GOLGA8H: variants seen among roughly 807,000 people sequenced by gnomAD.
The protein encoded by GOLGA8H is golgin A8 family member H, also known as golgin subfamily A member 8H.
GOLGA8H carries 47 observed loss-of-function variants against 82.7 expected under a neutral mutation model. The ratio of observed to expected loss-of-function variants is 0.57; its 90% CI spans 0.45 to 0.73. GOLGA8H has a LOEUF of 0.73. Among genes scored for constraint, GOLGA8H ranks in the 30% least tolerant of loss-of-function variants. The pLI is 0.00. For synonymous variants in GOLGA8H, 108 were observed against 241.6 expected (o/e 0.45, Z 5.13); for missense variants, 372 against 661.0 (o/e 0.56, Z 4.79).
chr15:30,613,050 C>A, intron 14 of GOLGA8H, 54 bp from the exon 15 acceptor site: 2 of 1,113,992 alleles, frequency 1.8e-6, no homozygotes, highest in South Asian at 1.3e-5. Context: ...GAGGTGGGCC[C>A]ACAGTTCCTC....
rs376299917 is a variant in GOLGA8H, at chr15:30,606,560, C to T, written c.169-295C>T. Reference sequence around the variant, plus strand: ...ATGTTAATCCCTAGTACATGGCCTGCTGTAAACACTCAGGACACCCAGGAT... The same window carrying T: ...ATGTTAATCCCTAGTACATGGCCTGTTGTAAACACTCAGGACACCCAGGAT... On this transcript the variant is annotated intron_variant, in intron 2 of 18. Transcript: ENST00000566740. Among the ~76,000 whole-genome samples the T allele has an allele frequency of 2.0e-4, 30 of 151,876 alleles. No individual in the cohort carries two copies. The East Asian group carries it at 2.1e-3, about 11-fold the overall frequency.
chr15:30,604,293 G>C, intron 1 of GOLGA8H, 120 bp downstream of exon 1: 3 of 1,512,060 alleles, frequency 2.0e-6, no homozygotes, highest in Non-Finnish European at 2.6e-6. Flanking sequence ...CTACCCCGGT[G>C]CCTCTGGGCT....
rs1207043662 is a variant in GOLGA8H, at chr15:30,616,205, T to A, written c.*1644T>A. 6.6e-6 allele frequency among the ~76,000 whole-genome samples: 1 copy of A among 151,226 alleles called. No homozygotes were observed. Among genetic ancestry groups the A allele is most frequent in the East Asian group, 2.0e-4 (1 of 5,120 alleles). On this transcript the variant is annotated 3_prime_UTR_variant, in exon 19 of 19. Transcript: ENST00000566740. Reference sequence around the variant, plus strand: ...GAAAGACTCAACAGTTCAAACTTCATGAAGTTCTAATGTCTGTGTTCCAAA... The same window carrying A: ...GAAAGACTCAACAGTTCAAACTTCAAGAAGTTCTAATGTCTGTGTTCCAAA...
rs4605123 is a variant in GOLGA8H at position 30,615,354 on chromosome 15, C to T, written c.*793C>T. ...ACTGCATCATGAGCTGCAGCAGTTG[C>T]ACTCTTTTTCGATGACCTAAAAAGG... On this transcript the variant is annotated 3_prime_UTR_variant, in exon 19 of 19. Transcript: ENST00000566740. 2.0e-5 allele frequency among the ~76,000 whole-genome samples: 3 copies of T among 151,936 alleles called. No individual in the cohort carries two copies. Among genetic ancestry groups the T allele is most frequent in the East Asian group, 1.9e-4 (1 of 5,142 alleles).
In GOLGA8H at chr15:30,609,845, G is replaced by C. The variant is rs1403873050; in HGVS notation, c.631G>C (p.Glu211Gln). The stretch of plus-strand genomic sequence containing the variant: ...CAAAGCACGTACGGAGTGGAAGTTA[G>C]AGCAGTCCATGCGGGAGGAGGCACT... ...RSKARTEWKL[E>Q]QSMREEALLK... Residue 211 changes from glutamate (E) to glutamine (Q), a missense_variant, in exon 9 of 19, where the codon GAG (glutamate) becomes CAG (glutamine). Transcript: ENST00000566740. The C allele has an allele frequency of 1.2e-6, 2 of 1,601,416 alleles. No homozygotes were observed. Among genetic ancestry groups the C allele is most frequent in the Middle Eastern group, 2.3e-4 (1 of 4,428 alleles).
intron 1 of GOLGA8H, 126 bp from the exon 2 acceptor site, chr15:30,605,717 C>T: frequency 6.0e-6 from 9 of 1,502,940 alleles, no homozygotes; most frequent in Non-Finnish European, 8.0e-6. Flanking sequence ...TGTGACAACA[C>T]CTTGTACGGT....
rs1013547107 is a variant in GOLGA8H at position 30,605,978 on chromosome 15, C to G, written c.168+16C>G. 6.3e-7 allele frequency: 1 copy of G among 1,591,758 alleles called. No individual in the cohort carries two copies. Among genetic ancestry groups the G allele is most frequent in the African/African-American group, 1.3e-5 (1 of 74,246 alleles). On this transcript the variant is annotated intron_variant, in intron 2 of 18. Transcript: ENST00000566740. Reference sequence around the variant, plus strand: ...ACCTGGGGATGTGAGTCTTGGCTGACCAGGCTTCTGGGGACAGGGGGCCCA... The same window carrying G: ...ACCTGGGGATGTGAGTCTTGGCTGAGCAGGCTTCTGGGGACAGGGGGCCCA...
At chr15:30,606,339 C>G (rs2059923501) in intron 2 of GOLGA8H, among the ~76,000 whole-genome samples, 2 of 149,938 alleles carry the variant, frequency 1.3e-5, no homozygotes, top group Admixed American at 1.3e-4. Context: ...GGTGACAGAG[C>G]AAGACTCTGT....
At position 30,614,046 on chromosome 15, in the gene GOLGA8H, T is replaced by G; in HGVS notation, c.1563T>G (p.Asp521Glu). The change falls in exon 17 of 19, where the codon GAT (aspartate) becomes GAG (glutamate). Residue 521 changes from aspartate (D) to glutamate (E), a missense_variant. Asp to Glu is a conservative substitution (Grantham distance 45). Coordinates refer to ENST00000566740, the MANE Select transcript of GOLGA8H (RefSeq NM_001282490.2). ...GHHQAGAQGG[D>E]EGEAAGAAAD... is the part of the protein sequence containing the mutation. Reference sequence around the variant, plus strand: ...ATCAGGCTGGAGCTCAGGGAGGAGATGAAGGTAGGGTGTGCAACATCTCTG... The same window carrying G: ...ATCAGGCTGGAGCTCAGGGAGGAGAGGAAGGTAGGGTGTGCAACATCTCTG... 1 of 994,668 alleles carries G rather than the reference T, an allele frequency of 1.0e-6. No individual in the cohort carries two copies. Among genetic ancestry groups the G allele is most frequent in the African/African-American group, 2.2e-5 (1 of 44,824 alleles). 61.6% of individuals were successfully genotyped at this position (994,668 alleles called of 1,614,324 possible).
Position 30,609,835 on chromosome 15 carries a change from G to A in GOLGA8H, c.621G>A (p.Glu207=), listed in dbSNP as rs1159946615. ...CCAGCCGCAGCAAAGCACGTACGGA[G>A]TGGAAGTTAGAGCAGTCCATGCGGG... ...QLSSRSKART[E]WKLEQSMREE... Residue 207 remains glutamate, a synonymous_variant, in exon 9 of 19, where the codon GAG becomes GAA. Transcript: ENST00000566740. 1.6e-5 allele frequency: 25 copies of A among 1,597,532 alleles called. No individual in the cohort carries two copies. Among genetic ancestry groups the A allele is most frequent in the Non-Finnish European group, 2.0e-5 (23 of 1,170,118 alleles).
intron 9 of GOLGA8H, 30 bp from the exon 10 acceptor site, chr15:30,609,969 C>T (rs773994176): frequency 3.1e-6 from 5 of 1,606,012 alleles, no homozygotes; most frequent in Non-Finnish European, 3.4e-6. Context: ...CAGTGACAGC[C>T]CTTCCTAAGT....
chr15:30,608,746 AG>A lies in GOLGA8H; in HGVS notation c.583del (p.Ala195GlnfsTer16). ...LSNVMATQKK[K>X]ANQLSSRSKA... ...AATGTCATGGCCACACAGAAGAAGA[AG>A]GCAAACCAGGTGAGTCCAACCACCT... On this transcript the variant is annotated frameshift_variant, in exon 8 of 19. Coordinates refer to ENST00000566740, the MANE Select transcript of GOLGA8H (RefSeq NM_001282490.2). LOFTEE classifies it high-confidence loss of function. 1 of 1,491,952 alleles carries A rather than the reference AG, an allele frequency of 6.7e-7. No individual in the cohort carries two copies. Among genetic ancestry groups the A allele is most frequent in the Non-Finnish European group, 9.0e-7 (1 of 1,106,018 alleles). The allele number at this position is 1,491,952 out of a possible 1,614,324, so 92.4% of individuals were successfully genotyped here. A position where few individuals can be genotyped will look rare whatever the true frequency, so the allele number is the denominator to read the frequency against.
intron 10 of GOLGA8H, 57 bp from the exon 11 acceptor site, chr15:30,610,245 G>C: frequency 1.1e-6 from 1 of 891,938 alleles, no homozygotes; most frequent in Non-Finnish European, 1.8e-6. Flanking sequence ...GGAGAGGGCA[G>C]CCTGTCCAGC....
rs553723588 is a variant in GOLGA8H at position 30,609,008 on chromosome 15, G to T, written c.591+252G>T. 7.1e-3 allele frequency among the ~76,000 whole-genome samples: 954 copies of T among 133,428 alleles called. 25 individuals carry two copies. The highest frequency in any genetic ancestry group is 0.015 in the African/African-American group (506 of 33,024). The allele number at this position is 133,428 out of a possible 152,430, so 87.5% of individuals were successfully genotyped here. A position where few individuals can be genotyped will look rare whatever the true frequency, so the allele number is the denominator to read the frequency against. On this transcript the variant is annotated intron_variant, in intron 8 of 18. Transcript: ENST00000566740. ...CAAATGCCTGCCCCGCCCTTACCTGGCTGTGGTCTTGAGCAAGTCCTAGGT... is the reference window on the plus strand; with the variant it reads ...CAAATGCCTGCCCCGCCCTTACCTGTCTGTGGTCTTGAGCAAGTCCTAGGT...
intron 15 of GOLGA8H, 74 bp downstream of exon 15, chr15:30,613,269 G>C (rs1228452816): frequency 3.8e-6 from 2 of 526,388 alleles, no homozygotes; most frequent in Non-Finnish European, 6.7e-6. Context: ...TATGCTCTTC[G>C]TTTCCCTGCC....
intron 1 of GOLGA8H, among the ~76,000 whole-genome samples, 189 bp from the exon 2 acceptor site, chr15:30,605,654 T>G (rs866614237): frequency 6.6e-6 from 1 of 151,030 alleles, no homozygotes; most frequent in Non-Finnish European, 1.5e-5. Context: ...AGTATTGCCT[T>G]TTTCTTTTTT....
chr15:30,608,032 A>G lies in GOLGA8H; in HGVS notation c.312A>G (p.Lys104=). The G allele has an allele frequency of 1.9e-6, 3 of 1,581,422 alleles. No individual in the cohort carries two copies. Among genetic ancestry groups the G allele is most frequent in the Non-Finnish European group, 2.6e-6 (3 of 1,167,636 alleles). ...ACCTTATTTGACTCTCCCCACAGAA[A>G]CAACAGAAGAAACAAGTGGAACATC... ...SQLKNTIKSL[K]QQKKQVEHQL... The change falls in exon 5 of 19, where the codon AAA becomes AAG. Residue 104 remains lysine (K), a splice_region_variant and synonymous_variant. Transcript: ENST00000566740.
At position 30,606,119 on chromosome 15, in the gene GOLGA8H, C is replaced by G. The variant is rs538353650; in HGVS notation, c.168+157C>G. On this transcript the variant is annotated intron_variant, in intron 2 of 18. Coordinates refer to ENST00000566740, the MANE Select transcript of GOLGA8H (RefSeq NM_001282490.2). ...CCTGTAATCCTAGCACTTTGGGAGGCCAAGGCAGGCGGATCATGAGGTCAG... is the reference window on the plus strand; with the variant it reads ...CCTGTAATCCTAGCACTTTGGGAGGGCAAGGCAGGCGGATCATGAGGTCAG... Among the ~76,000 whole-genome samples the G allele has an allele frequency of 4.8e-3, 728 of 151,690 alleles. 26 individuals are homozygous for G. Among genetic ancestry groups the G allele is most frequent in the African/African-American group, 0.017 (690 of 41,142 alleles).
chr15:30,608,400 T>C (rs1418833959), intron 6 of GOLGA8H, 22 bp downstream of exon 6: 1 of 1,568,432 alleles, frequency 6.4e-7, no homozygotes, highest in South Asian at 1.1e-5. Flanking sequence ...GTGTGCAGTT[T>C]CCTCCTGTCC....
Sources: allele counts gnomAD v4.1 joint callset (sites outside exome capture counted in the v4.1 genomes callset), GRCh38; gene constraint gnomAD v4.1.1; transcripts MANE v1.5; gene names NCBI Gene and HGNC (gene_info 2026-07-23, HGNC 2026-07-21).